The following TAF3 variants were observed in gnomAD, a reference collection of about 807,000 sequenced individuals.
TAF3 encodes TATA-box binding protein associated factor 3, also known as transcription initiation factor TFIID subunit 3.
A neutral mutation model predicts 80.6 loss-of-function variants in TAF3; 7 were observed. That is an observed-to-expected ratio of 0.09 (90% confidence interval 0.05 to 0.16). The LOEUF is 0.16. TAF3 is among the 10% of genes least tolerant of loss of function. The pLI is 1.00. For synonymous variants in TAF3, 444 were observed against 446.1 expected (o/e 1.00, Z 0.06); for missense variants, 921 against 1,140.2 (o/e 0.81, Z 2.77).
At chr10:7,820,453 A>G (rs1836679727) in intron 1 of TAF3, among the ~76,000 whole-genome samples, 1 of 152,258 alleles carries the variant, frequency 6.6e-6, no homozygotes, top group Non-Finnish European at 1.5e-5. Flanking sequence ...ATTGAGTTCC[A>G]AAAATGTATA....
At chr10:7,858,873 T>G (rs564790280) in intron 2 of TAF3, among the ~76,000 whole-genome samples, 2 of 152,300 alleles carry the variant, frequency 1.3e-5, no homozygotes, top group East Asian at 3.9e-4. Context: ...TGTGCGTGTG[T>G]GCATATGAAC....
At chr10:7,865,372 G>A (rs376321538) in intron 2 of TAF3, among the ~76,000 whole-genome samples, 2 of 152,058 alleles carry the variant, frequency 1.3e-5, no homozygotes, top group African/African-American at 4.8e-5. Flanking sequence ...CCAGCTACTC[G>A]GGAGGCTGAG....
At chr10:8,007,139 C>A (rs1220380951) in intron 4 of TAF3, among the ~76,000 whole-genome samples, 3 of 152,072 alleles carry the variant, frequency 2.0e-5, no homozygotes, top group African/African-American at 7.2e-5. Flanking sequence ...TGAATGTCTC[C>A]TACTTTCAGT....
chr10:7,942,605 C>G (rs1290636381), intron 2 of TAF3, among the ~76,000 whole-genome samples: 1 of 152,138 alleles, frequency 6.6e-6, no homozygotes, highest in Admixed American at 6.5e-5. Flanking sequence ...TAGGACATTG[C>G]TGACTGAGAA....
chr10:7,870,436 G>A (rs1162037641), intron 2 of TAF3, among the ~76,000 whole-genome samples: 3 of 152,072 alleles, frequency 2.0e-5, no homozygotes, highest in African/African-American at 7.2e-5. Context: ...TCCAGTGGTC[G>A]GTTAGAATAT....
chr10:7,897,676 C>CTTTT (rs1210378117), intron 2 of TAF3, among the ~76,000 whole-genome samples: 19 of 140,588 alleles, frequency 1.4e-4, no homozygotes, highest in South Asian at 2.2e-4. Context: ...TTCTTTCTTT[C>CTTTT]TTTTTTTTTT....
At chr10:7,880,616 T>C (rs966626967) in intron 2 of TAF3, among the ~76,000 whole-genome samples, 1 of 152,212 alleles carries the variant, frequency 6.6e-6, no homozygotes, top group Non-Finnish European at 1.5e-5. Flanking sequence ...GGCCATTTCT[T>C]ATAAATGCAT....
intron 4 of TAF3, among the ~76,000 whole-genome samples, chr10:7,992,658 A>G (rs1831846419): frequency 6.6e-6 from 1 of 152,188 alleles, no homozygotes; most frequent in Non-Finnish European, 1.5e-5. Context: ...TTCCCCTAAG[A>G]AATTTCCGTA....
chr10:7,988,752 GAAAAA>G (rs56395044), intron 4 of TAF3, among the ~76,000 whole-genome samples: 1 of 92,886 alleles, frequency 1.1e-5, no homozygotes, highest in Non-Finnish European at 2.0e-5. Flanking sequence ...CTGTCTCTCA[GAAAAA>G]AAAAAAAAAA....
chr10:7,902,875 T>A (rs1837572547), intron 2 of TAF3, among the ~76,000 whole-genome samples: 3 of 152,224 alleles, frequency 2.0e-5, no homozygotes, highest in African/African-American at 4.8e-5. Flanking sequence ...CTCTTCCACT[T>A]CTGTACCCTT....
rs1831546921 is a variant in TAF3 at position 7,964,479 on chromosome 10, C to T, written c.969C>T (p.Ser323=). 5.0e-6 allele frequency: 8 copies of T among 1,613,620 alleles called. No homozygotes were observed. Among genetic ancestry groups the T allele is most frequent in the Non-Finnish European group, 6.8e-6 (8 of 1,179,830 alleles). Residue 323 remains serine, a synonymous_variant, in exon 3 of 7, where the codon AGC becomes AGT. Transcript: ENST00000344293. This position sits in a 1 kb window ranked among gnomAD's most constrained non-coding sequence, Gnocchi z 4.1. ...CCAAGAGCCCCAAGAGTCCCAAGAG[C>T]CCCAAGGTCACGACTCACATTCCCC... ...GRSKSPKSPK[S]PKVTTHIPQT...
chr10:7,962,824 A>C (rs1194134754), intron 2 of TAF3, among the ~76,000 whole-genome samples: 1 of 152,178 alleles, frequency 6.6e-6, no homozygotes, highest in Non-Finnish European at 1.5e-5. Flanking sequence ...CTAAACTGTG[A>C]GCTCTTTTAG....
In TAF3 at chr10:7,965,323, A is replaced by G. The variant is rs759955944; in HGVS notation, c.1813A>G (p.Lys605Glu). The change falls in exon 3 of 7, where the codon AAA (lysine) becomes GAA (glutamate). Residue 605 changes from lysine to glutamate, a missense_variant. Transcript: ENST00000344293. ...FEDVDPKVKL[K>E]DGLVRKEKEK... Reference sequence around the variant, plus strand: ...AGATGTTGATCCCAAAGTGAAATTGAAAGATGGACTTGTGAGGAAGGAGAA... The same window carrying G: ...AGATGTTGATCCCAAAGTGAAATTGGAAGATGGACTTGTGAGGAAGGAGAA... 6.2e-7 allele frequency: 1 copy of G among 1,604,564 alleles called. No homozygotes were observed. Among genetic ancestry groups the G allele is most frequent in the Non-Finnish European group, 8.5e-7 (1 of 1,177,958 alleles).
chr10:7,841,558 A>T (rs190957362), intron 2 of TAF3, among the ~76,000 whole-genome samples: 3 of 152,346 alleles, frequency 2.0e-5, no homozygotes, highest in Admixed American at 6.5e-5. Context: ...GGATGATTTC[A>T]TTATAAATTC....
intron 2 of TAF3, among the ~76,000 whole-genome samples, chr10:7,915,728 G>A (rs552172182): frequency 1.5e-4 from 23 of 151,058 alleles, no homozygotes; most frequent in Non-Finnish European, 2.8e-4. Context: ...TTGTAATCCC[G>A]GCACCTTTGG....
At chr10:7,985,226 C>G (rs761975159) in intron 4 of TAF3, among the ~76,000 whole-genome samples, 4 of 152,192 alleles carry the variant, frequency 2.6e-5, no homozygotes, top group Non-Finnish European at 5.9e-5. Context: ...TTAGACTTGC[C>G]TTTTGGGTTC....
intron 2 of TAF3, among the ~76,000 whole-genome samples, chr10:7,887,583 T>G (rs776417340): frequency 6.6e-6 from 1 of 152,142 alleles, no homozygotes. Flanking sequence ...AAGACTTTCC[T>G]AGTGATAAGT....
chr10:7,912,365 G>A (rs1274827572), intron 2 of TAF3, among the ~76,000 whole-genome samples: 1 of 152,178 alleles, frequency 6.6e-6, no homozygotes, highest in Non-Finnish European at 1.5e-5. Context: ...CCCGCAAAGC[G>A]CTGGAATTGC....
chr10:7,863,736 C>CATATATATATACACAT (rs1564350983), intron 2 of TAF3, among the ~76,000 whole-genome samples: 9 of 133,948 alleles, frequency 6.7e-5, no homozygotes, highest in Non-Finnish European at 4.7e-5. Context: ...TATATATACA[C>CATATATATATACACAT]ATATATATAT....
Sources: gnomAD v4.1 joint callset for allele counts (sites outside exome capture counted in the v4.1 genomes callset) on GRCh38, gnomAD v4.1.1 for gene constraint, Gnocchi (gnomAD v3.1) non-coding constraint, MANE v1.5 for transcripts, NCBI Gene and HGNC (gene_info 2026-07-23, HGNC 2026-07-21) for gene names.